Variants in EPHA6 observed in about 807,000 individuals in gnomAD.
EPHA6 encodes the protein EPH receptor A6.
A neutral mutation model predicts 112.0 loss-of-function variants in EPHA6; 50 were observed. The observed-to-expected ratio is 0.45, with a 90% CI of 0.36 to 0.56. The LOEUF is 0.56. EPHA6 is among the 20% of genes least tolerant of loss of function. The pLI, the probability that EPHA6 is intolerant of heterozygous loss-of-function variation, is 0.00. For missense variants in EPHA6, 1,280 were observed against 1,417.4 expected (o/e 0.90, Z 1.56); for synonymous variants, 529 against 490.7 (o/e 1.08, Z -1.03).
At chr3:97,345,739 C>A (rs890450164) in intron 5 of EPHA6, among the ~76,000 whole-genome samples, 5 of 151,932 alleles carry the variant, frequency 3.3e-5, no homozygotes, top group African/African-American at 9.7e-5. Flanking sequence ...TATGGTATAA[C>A]CTTTACCCAC....
At chr3:97,576,023 T>C (rs1575941402) in intron 11 of EPHA6, among the ~76,000 whole-genome samples, 1 of 152,074 alleles carries the variant, frequency 6.6e-6, no homozygotes, top group Non-Finnish European at 1.5e-5. Context: ...ACTAGCTAAA[T>C]GGTCAAGTCT....
At chr3:97,416,664 T>A (rs944609479) in intron 6 of EPHA6, among the ~76,000 whole-genome samples, 1 of 152,108 alleles carries the variant, frequency 6.6e-6, no homozygotes, top group African/African-American at 2.4e-5. Flanking sequence ...AACAAATATT[T>A]ATTGCACACC....
At chr3:97,430,534 C>G (rs2089442043) in intron 6 of EPHA6, among the ~76,000 whole-genome samples, 1 of 152,006 alleles carries the variant, frequency 6.6e-6, no homozygotes, top group Non-Finnish European at 1.5e-5. Flanking sequence ...GCCTCAAATC[C>G]TGGAACCTGA....
intron 2 of EPHA6, among the ~76,000 whole-genome samples, chr3:96,907,639 G>A (rs1351359109): frequency 6.6e-6 from 1 of 151,544 alleles, no homozygotes; most frequent in Non-Finnish European, 1.5e-5. Context: ...AAAGATATAG[G>A]TGTATTTCAT....
chr3:96,941,410 A>G (rs1022068446), intron 2 of EPHA6, among the ~76,000 whole-genome samples: 1 of 152,098 alleles, frequency 6.6e-6, no homozygotes, highest in Non-Finnish European at 1.5e-5. Flanking sequence ...AGGCTTCTGC[A>G]TTCTTCACGT....
chr3:97,021,569 AG>A (rs1019139206), intron 3 of EPHA6, among the ~76,000 whole-genome samples: 2 of 152,198 alleles, frequency 1.3e-5, no homozygotes, highest in African/African-American at 4.8e-5. Context: ...GGAGGTGGAA[AG>A]TCAAAGATCA....
In EPHA6 at chr3:97,180,842, C is replaced by G. The variant is rs548178062; in HGVS notation, c.1115-45422C>G. On this transcript the variant is annotated intron_variant, in intron 3 of 17. Transcript: ENST00000389672. The stretch of plus-strand genomic sequence containing the variant: ...GGTTAGGGGAGGCTTGATGCCAGCC[C>G]TCCCTTGGCTGTCCTAGCTAGCGTC... Among the ~76,000 whole-genome samples, 4 of 152,204 alleles carry G rather than the reference C, an allele frequency of 2.6e-5. No individual in the cohort carries two copies. In the South Asian group the frequency reaches 6.2e-4, roughly 24 times the overall value.
At chr3:97,066,033 G>A (rs1259623369) in intron 3 of EPHA6, among the ~76,000 whole-genome samples, 1 of 151,962 alleles carries the variant, frequency 6.6e-6, no homozygotes. Flanking sequence ...ATACCTTCAT[G>A]TCAGTGATTT....
Position 97,707,596 on chromosome 3 carries a change from C to G in EPHA6, c.2785-12665C>G, listed in dbSNP as rs797017217. 3.3e-5 allele frequency among the ~76,000 whole-genome samples: 5 copies of G among 152,238 alleles called. No homozygotes were observed. The South Asian group carries it at 1.0e-3, about 32-fold the overall frequency. On this transcript the variant is annotated intron_variant, in intron 14 of 17. Transcript: ENST00000389672. ...TTGTATAAATTTTCTCAACTATGAA[C>G]CTGAGGATGAGTAGACTGTCTTCCA...
At chr3:97,744,193 C>A (rs938950463) in intron 16 of EPHA6, among the ~76,000 whole-genome samples, 8 of 151,870 alleles carry the variant, frequency 5.3e-5, no homozygotes, top group Non-Finnish European at 1.5e-5. Context: ...TGATCCTTGA[C>A]CTTCTATTCT....
intron 3 of EPHA6, among the ~76,000 whole-genome samples, chr3:97,142,669 A>AT (rs1287447277): frequency 6.6e-6 from 1 of 151,920 alleles, no homozygotes; most frequent in Non-Finnish European, 1.5e-5. Context: ...TGAGTCAGTA[A>AT]TAAAACATCT....
chr3:97,350,052 G>C (rs1452547611), intron 5 of EPHA6, among the ~76,000 whole-genome samples: 1 of 151,514 alleles, frequency 6.6e-6, no homozygotes, highest in African/African-American at 2.4e-5. Flanking sequence ...CCCATGGTTT[G>C]TTTCCGGGAA....
chr3:97,643,678 A>G (rs1051350007), intron 14 of EPHA6, among the ~76,000 whole-genome samples: 9 of 152,092 alleles, frequency 5.9e-5, no homozygotes, highest in Admixed American at 5.2e-4. Context: ...ACCAACAAAG[A>G]TCAAAAGAGA....
At chr3:97,564,537 T>G (rs1401502943) in intron 11 of EPHA6, among the ~76,000 whole-genome samples, 1 of 152,128 alleles carries the variant, frequency 6.6e-6, no homozygotes, top group Non-Finnish European at 1.5e-5. Context: ...AGGGTCAACT[T>G]TATTAAGGGT....
intron 5 of EPHA6, among the ~76,000 whole-genome samples, chr3:97,324,316 T>C (rs1204900306): frequency 6.6e-6 from 1 of 152,128 alleles, no homozygotes; most frequent in Admixed American, 6.5e-5. Context: ...TTTTAGTCTT[T>C]GGGGACATAT....
intron 3 of EPHA6, among the ~76,000 whole-genome samples, chr3:97,122,938 T>A (rs535734489): frequency 6.6e-6 from 1 of 152,212 alleles, no homozygotes; most frequent in African/African-American, 2.4e-5. Flanking sequence ...ATATTTATAA[T>A]AACACTGTTT....
chr3:96,829,935 A>ATG (rs1491302985), intron 1 of EPHA6, among the ~76,000 whole-genome samples: 2 of 117,654 alleles, frequency 1.7e-5, no homozygotes, highest in Admixed American at 1.8e-4. Flanking sequence ...ATGCACGTGC[A>ATG]TGTGCGCGCG....
intron 3 of EPHA6, among the ~76,000 whole-genome samples, chr3:97,124,158 A>G (rs1298072641): frequency 6.6e-6 from 1 of 152,066 alleles, no homozygotes; most frequent in Non-Finnish European, 1.5e-5. Flanking sequence ...GAAATGCCTT[A>G]TATGTATATG....
chr3:97,236,152 G>T (rs1470238112), intron 4 of EPHA6, among the ~76,000 whole-genome samples: 3 of 151,842 alleles, frequency 2.0e-5, no homozygotes, highest in Non-Finnish European at 2.9e-5. Flanking sequence ...GAGCAGTTTG[G>T]AGTACAGGAG....
Sources: gnomAD v4.1 joint callset for allele counts (sites outside exome capture counted in the v4.1 genomes callset) on GRCh38, gnomAD v4.1.1 for gene constraint, MANE v1.5 for transcripts, NCBI Gene and HGNC (gene_info 2026-07-23, HGNC 2026-07-21) for gene names.